Variants in TNR observed in about 807,000 individuals in gnomAD.
TNR encodes tenascin R.
In TNR, 45 loss-of-function variants were observed where a neutral mutation model predicts 150.4. That is an observed-to-expected ratio of 0.30 (90% CI 0.24 to 0.38). The LOEUF (loss-of-function observed/expected upper bound fraction) is 0.38, where lower values mean the gene tolerates loss of function less well. Among genes scored for constraint, TNR ranks in the 10% least tolerant of loss-of-function variants. The pLI is 1.00. For synonymous variants in TNR, 687 were observed against 678.4 expected, an observed-to-expected ratio of 1.01 and a Z score of -0.20; for missense variants, 1,544 against 1,759.1, an observed-to-expected ratio of 0.88 and a Z score of 2.19.
chr1:175,473,351 C>A (rs1218671243), intron 2 of TNR, among the ~76,000 whole-genome samples: 2 of 152,192 alleles, frequency 1.3e-5, no homozygotes, highest in Admixed American at 6.5e-5. Context: ...AGCAGCCCCC[C>A]AGAGATGCTC....
chr1:175,416,224 A>C (rs933195860), intron 2 of TNR, among the ~76,000 whole-genome samples: 1 of 152,122 alleles, frequency 6.6e-6, no homozygotes, highest in African/African-American at 2.4e-5. Flanking sequence ...TTTAATCCTC[A>C]CAAGAATTGA....
intron 2 of TNR, among the ~76,000 whole-genome samples, chr1:175,502,614 A>G (rs1658784500): frequency 6.6e-6 from 1 of 152,248 alleles, no homozygotes; most frequent in Admixed American, 6.5e-5. Flanking sequence ...CCATCTCCCA[A>G]AAGTTCTCCC....
At chr1:175,431,730 G>A (rs188999742) in intron 2 of TNR, among the ~76,000 whole-genome samples, 42 of 151,866 alleles carry the variant, frequency 2.8e-4, no homozygotes, top group African/African-American at 1.0e-3. Context: ...TAGTGGTCAT[G>A]GTGGTAGTCT....
At chr1:175,731,250 T>C (rs1667632027) in intron 1 of TNR, among the ~76,000 whole-genome samples, 1 of 152,200 alleles carries the variant, frequency 6.6e-6, no homozygotes, top group African/African-American at 2.4e-5. Flanking sequence ...CATAAATGGT[T>C]CAACTGAAAA....
intron 4 of TNR, among the ~76,000 whole-genome samples, chr1:175,399,261 G>C (rs1212506066): frequency 6.6e-6 from 1 of 152,162 alleles, no homozygotes; most frequent in South Asian, 2.1e-4. Context: ...GGCAGAAATG[G>C]CCACTCCAAA....
chr1:175,731,150 C>T (rs1667628437), intron 1 of TNR, among the ~76,000 whole-genome samples: 1 of 152,216 alleles, frequency 6.6e-6, no homozygotes, highest in African/African-American at 2.4e-5. Context: ...GCCCATGAAG[C>T]TGGTTCTGTC....
intron 1 of TNR, among the ~76,000 whole-genome samples, chr1:175,673,354 TAAAC>T (rs1558066183): frequency 6.6e-6 from 1 of 152,220 alleles, no homozygotes; most frequent in Non-Finnish European, 1.5e-5. Flanking sequence ...GGGAGGCAAT[TAAAC>T]AGACAGGGAT....
chr1:175,378,330 A>G (rs901360867), intron 9 of TNR, among the ~76,000 whole-genome samples: 2 of 151,978 alleles, frequency 1.3e-5, no homozygotes, highest in African/African-American at 4.8e-5. Context: ...TCATTCATTC[A>G]TTCAGGAAAT....
At chr1:175,491,123 A>G (rs1379870688) in intron 2 of TNR, among the ~76,000 whole-genome samples, 1 of 152,244 alleles carries the variant, frequency 6.6e-6, no homozygotes, top group Non-Finnish European at 1.5e-5. Flanking sequence ...GCAAGAACAG[A>G]GAATCAATCA....
At chr1:175,638,404 C>G (rs151055695) in intron 1 of TNR, among the ~76,000 whole-genome samples, 1 of 152,218 alleles carries the variant, frequency 6.6e-6, no homozygotes, top group South Asian at 2.1e-4. Flanking sequence ...CTCTCTCATT[C>G]ATGGATTAGG....
intron 1 of TNR, among the ~76,000 whole-genome samples, chr1:175,647,703 T>G (rs547256772): frequency 1.1e-4 from 17 of 152,294 alleles, no homozygotes; most frequent in African/African-American, 3.9e-4. Context: ...GACTTGAGCT[T>G]CTTTAGCTCT....
chr1:175,589,956 C>G (rs1260771195), intron 1 of TNR, among the ~76,000 whole-genome samples: 1 of 152,078 alleles, frequency 6.6e-6, no homozygotes. Context: ...TGTAACAAAT[C>G]TGCACGTTTT....
intron 1 of TNR, among the ~76,000 whole-genome samples, chr1:175,537,854 TG>T (rs1660355405): frequency 6.6e-6 from 1 of 152,136 alleles, no homozygotes; most frequent in African/African-American, 2.4e-5. Flanking sequence ...TCTGGGACTG[TG>T]AACTGGTTGG....
chr1:175,582,268 A>G (rs1387902607), intron 1 of TNR, among the ~76,000 whole-genome samples: 2 of 152,222 alleles, frequency 1.3e-5, no homozygotes, highest in South Asian at 2.1e-4. Context: ...TGAGTTCTTG[A>G]AAGCCAATAT....
At chr1:175,535,728 G>GA (rs1316274246) in intron 1 of TNR, among the ~76,000 whole-genome samples, 1 of 151,946 alleles carries the variant, frequency 6.6e-6, no homozygotes, top group Non-Finnish European at 1.5e-5. Context: ...TTGGTAATGA[G>GA]AAAATAAATA....
intron 7 of TNR, among the ~76,000 whole-genome samples, chr1:175,390,161 T>TTAA (rs1295224446): frequency 6.6e-6 from 1 of 152,236 alleles, no homozygotes; most frequent in African/African-American, 2.4e-5. Context: ...TAAACTGAGC[T>TTAA]TAAGCCTTGG....
intron 2 of TNR, among the ~76,000 whole-genome samples, chr1:175,490,484 G>A (rs1279832120): frequency 6.6e-6 from 1 of 152,096 alleles, no homozygotes; most frequent in Non-Finnish European, 1.5e-5. Context: ...TCTGACGAAG[G>A]TCTAATATCC....
At chr1:175,582,721 T>C (rs1662405082) in intron 1 of TNR, among the ~76,000 whole-genome samples, 1 of 151,350 alleles carries the variant, frequency 6.6e-6, no homozygotes. Flanking sequence ...AAAGGTGTAA[T>C]GGTTTGAATG....
At chr1:175,607,585 G>A (rs1008735573) in intron 1 of TNR, among the ~76,000 whole-genome samples, 1 of 152,178 alleles carries the variant, frequency 6.6e-6, no homozygotes, top group Non-Finnish European at 1.5e-5. Flanking sequence ...TGCTCTTCAA[G>A]GACATACTCC....
Sources: gnomAD v4.1 joint callset for allele counts (sites outside exome capture counted in the v4.1 genomes callset) on GRCh38, gnomAD v4.1.1 for gene constraint, MANE v1.5 for transcripts, NCBI Gene and HGNC (gene_info 2026-07-23, HGNC 2026-07-21) for gene names.